The following DNAJC21 variants were observed in gnomAD, a reference collection of about 807,000 sequenced individuals.
DNAJC21 encodes DnaJ heat shock protein family (Hsp40) member C21, also known as dnaJ homolog subfamily C member 21.
Under a neutral mutation model 72.4 loss-of-function variants are expected in DNAJC21, and 63 were observed. The ratio of observed to expected loss-of-function variants is 0.87; its 90% CI spans 0.71 to 1.07. DNAJC21 has a LOEUF of 1.07. Ranked by LOEUF, DNAJC21 falls within the 50% of genes least tolerant of loss-of-function variation. The pLI is 0.00. For missense variants in DNAJC21, 634 were observed against 644.8 expected, an observed-to-expected ratio of 0.98 and a Z score of 0.18; for synonymous variants, 203 against 216.7, an observed-to-expected ratio of 0.94 and a Z score of 0.56.
At chr5:34,936,395 A>G (rs1032849475) in intron 4 of DNAJC21, 129 bp downstream of exon 4, 1 of 1,110,582 alleles carries the variant, frequency 9.0e-7, no homozygotes, top group Admixed American at 2.9e-5. Context: ...CATATCTCAC[A>G]GCAGCCTCAA....
intron 1 of DNAJC21, among the ~76,000 whole-genome samples, chr5:34,932,659 C>G (rs1764636459): frequency 1.3e-5 from 2 of 152,194 alleles, no homozygotes; most frequent in East Asian, 3.9e-4. Flanking sequence ...CTGAAAGAAC[C>G]TGCTTCCAGC....
Position 34,958,686 on chromosome 5 carries a change from A to C in DNAJC21, c.*3972A>C, listed in dbSNP as rs1330061893. On this transcript the variant is annotated 3_prime_UTR_variant, in exon 12 of 12. Coordinates refer to ENST00000648817, the MANE Select transcript of DNAJC21 (RefSeq NM_001012339.3). ...CATTAAAGAAGCAAAAGAACCTCAT[A>C]CAAAAGTCATTGAGTAAATGACAGC... is the stretch of plus-strand genomic sequence containing the variant. The C allele has an allele frequency of 6.6e-6, 1 of 152,206 alleles. No homozygotes were observed. Among genetic ancestry groups the C allele is most frequent in the Non-Finnish European group, 1.5e-5 (1 of 68,030 alleles). The allele number at this position is 152,206 out of a possible 1,614,324, so 9.4% of individuals were successfully genotyped here. A position where few individuals can be genotyped will look rare whatever the true frequency, so the allele number is the denominator to read the frequency against.
In DNAJC21 at chr5:34,958,178, A is replaced by G. The variant is rs1406986918; in HGVS notation, c.*3464A>G. The G allele has an allele frequency of 6.6e-6, 1 of 152,264 alleles. No individual in the cohort carries two copies. The highest frequency in any genetic ancestry group is 1.9e-4 in the East Asian group (1 of 5,194). 9.4% of individuals were successfully genotyped at this position (152,264 alleles called of 1,614,324 possible). On this transcript the variant is annotated 3_prime_UTR_variant, in exon 12 of 12. Coordinates refer to ENST00000648817, the MANE Select transcript of DNAJC21 (RefSeq NM_001012339.3). ...AAGAAAAAGATTAAGAAAAAGCAAG[A>G]TAATTTTGAAGAAGGACGAGAGGAA...
intron 10 of DNAJC21, 34 bp from the exon 11 acceptor site, chr5:34,953,892 A>G (rs1051021115): frequency 1.3e-6 from 2 of 1,560,994 alleles, no homozygotes; most frequent in East Asian, 2.3e-5. Context: ...GGAGTATGTT[A>G]TTTTTGGATT....
In DNAJC21 at chr5:34,937,548, C is replaced by T. The variant is rs1420750905; in HGVS notation, c.661C>T (p.Arg221Ter). ...RKRDKRVQAH[R>*]KLVEEQNAEK... ...AAGAGATAAAAGAGTGCAGGCGCAT[C>T]GAAAACTTGTGGAAGAACAGAATGC... is the stretch of plus-strand genomic sequence containing the variant. Residue 221 changes from arginine to a stop codon, truncating the protein, a stop_gained, in exon 5 of 12, where the codon CGA becomes TGA. Transcript: ENST00000648817. LOFTEE classifies it high-confidence loss of function. 5 of 1,613,916 alleles carry T rather than the reference C, an allele frequency of 3.1e-6. No individual in the cohort carries two copies. Among genetic ancestry groups the T allele is most frequent in the Non-Finnish European group, 4.2e-6 (5 of 1,179,882 alleles).
intron 9 of DNAJC21, among the ~76,000 whole-genome samples, chr5:34,946,087 C>T (rs1765168598): frequency 6.6e-6 from 1 of 151,996 alleles, no homozygotes; most frequent in Admixed American, 6.6e-5. Flanking sequence ...TTTTAAAAAT[C>T]TGAATACATC....
intron 6 of DNAJC21, among the ~76,000 whole-genome samples, chr5:34,939,307 G>A (rs907606013): frequency 6.6e-6 from 1 of 151,148 alleles, no homozygotes; most frequent in African/African-American, 2.4e-5. Context: ...CGCCCAGGCC[G>A]GACTGCGGAC....
At chr5:34,932,419 CAA>C (rs769907634) in intron 1 of DNAJC21, among the ~76,000 whole-genome samples, 8 of 65,656 alleles carry the variant, frequency 1.2e-4, no homozygotes, top group Non-Finnish European at 1.5e-4. Flanking sequence ...GACTCCATCT[CAA>C]AAAAAAAAAA....
chr5:34,942,318 C>T lies in DNAJC21; in HGVS notation c.983+1135C>T, dbSNP rs895105196. ...GAAGAAAGAAGTATTAAAACGGATA[C>T]CATTATTATAAAGGAGGGAGGAAAC... On this transcript the variant is annotated intron_variant, in intron 7 of 11. Coordinates refer to ENST00000648817, the MANE Select transcript of DNAJC21 (RefSeq NM_001012339.3). 3.3e-5 allele frequency among the ~76,000 whole-genome samples: 5 copies of T among 151,724 alleles called. No individual in the cohort carries two copies. The East Asian group carries it at 9.7e-4, about 29-fold the overall frequency.
chr5:34,950,913 C>T (rs1765342699), intron 10 of DNAJC21: 20 of 985,474 alleles, frequency 2.0e-5, no homozygotes, highest in Non-Finnish European at 2.4e-5. Flanking sequence ...TTTCCCCATC[C>T]TCCTCGGTTC....
rs776171614 is a variant in DNAJC21, at chr5:34,956,875, T to G, written c.*2161T>G. 3.3e-5 allele frequency: 5 copies of G among 152,226 alleles called. No individual in the cohort carries two copies. Among genetic ancestry groups the G allele is most frequent in the Non-Finnish European group, 7.4e-5 (5 of 68,020 alleles). 9.4% of individuals were successfully genotyped at this position (152,226 alleles called of 1,614,324 possible). On this transcript the variant is annotated 3_prime_UTR_variant, in exon 12 of 12. Coordinates refer to ENST00000648817, the MANE Select transcript of DNAJC21 (RefSeq NM_001012339.3). ...GAACTTTTTCTTATCTCTAACACAG[T>G]TATTACCATAATAATATTGTCTCCA...
chr5:34,953,156 A>C (rs1056772829), intron 10 of DNAJC21, among the ~76,000 whole-genome samples: 2 of 152,118 alleles, frequency 1.3e-5, no homozygotes, highest in Non-Finnish European at 2.9e-5. Context: ...TCTCAAAAAA[A>C]AAGTTAATGT....
chr5:34,936,154 C>A lies in DNAJC21; in HGVS notation c.326C>A (p.Thr109Lys), dbSNP rs375475466. The part of the protein sequence containing the change: ...GYGDDEKGFY[T>K]VYRNVFEMIA... Reference sequence around the variant, plus strand: ...GTTACTGTTTTTTAGGGATTTTACACGGTGTATCGTAATGTTTTTGAAATG... The same window carrying A: ...GTTACTGTTTTTTAGGGATTTTACAAGGTGTATCGTAATGTTTTTGAAATG... Residue 109 changes from threonine (T) to lysine (K), a missense_variant, in exon 4 of 12, where the codon ACG (threonine) becomes AAG (lysine). Physicochemically the swap from Thr to Lys is moderately conservative, Grantham distance 78. Transcript: ENST00000648817. 7 of 1,611,778 alleles carry A rather than the reference C, an allele frequency of 4.3e-6. No homozygotes were observed. The highest frequency in any genetic ancestry group is 5.9e-6 in the Non-Finnish European group (7 of 1,179,406).
intron 11 of DNAJC21, 84 bp from the exon 12 acceptor site, chr5:34,954,469 A>T (rs778734920): frequency 2.7e-5 from 38 of 1,428,808 alleles, no homozygotes; most frequent in Non-Finnish European, 3.5e-5. Flanking sequence ...CAATTGTTTG[A>T]TGCTTAATCT....
chr5:34,950,454 T>A, intron 10 of DNAJC21, 112 bp downstream of exon 10: 1 of 1,458,120 alleles, frequency 6.9e-7, no homozygotes, highest in Admixed American at 2.6e-5. Context: ...GTAATTTAGA[T>A]GTATCTGTAC....
intron 1 of DNAJC21, among the ~76,000 whole-genome samples, chr5:34,930,712 G>A (rs1764562378): frequency 6.6e-6 from 1 of 152,140 alleles, no homozygotes; most frequent in Admixed American, 6.6e-5. Context: ...TTTCATATTA[G>A]CATTCATCAG....
intron 1 of DNAJC21, 194 bp downstream of exon 1, chr5:34,930,110 C>G (rs1015983337): frequency 7.3e-6 from 3 of 410,870 alleles, no homozygotes; most frequent in Non-Finnish European, 1.4e-5. Flanking sequence ...CTGGCGCACC[C>G]CGGCTCACAC....
chr5:34,953,039 A>C (rs971416347), intron 10 of DNAJC21, among the ~76,000 whole-genome samples: 1 of 152,132 alleles, frequency 6.6e-6, no homozygotes. Flanking sequence ...AATCCCAGCT[A>C]TTCGGGAGGC....
intron 10 of DNAJC21, chr5:34,951,199 A>G (rs775207190): frequency 1.2e-4 from 122 of 985,292 alleles, no homozygotes; most frequent in Non-Finnish European, 1.4e-4. Flanking sequence ...GAACTACACA[A>G]ACTGGTAATG....
Sources: allele counts gnomAD v4.1 joint callset (sites outside exome capture counted in the v4.1 genomes callset), GRCh38; gene constraint gnomAD v4.1.1; transcripts MANE v1.5; gene names NCBI Gene and HGNC (gene_info 2026-07-23, HGNC 2026-07-21).